The following CCNJL variants were observed in gnomAD, a reference collection of about 807,000 sequenced individuals.
The protein encoded by CCNJL is cyclin J like.
In CCNJL, 33 loss-of-function variants were observed where a neutral mutation model predicts 33.4. The ratio of observed to expected loss-of-function variants is 0.99; its 90% CI spans 0.75 to 1.32. CCNJL has a LOEUF of 1.32. Ranked by LOEUF, CCNJL falls within the 40% of genes most tolerant of loss-of-function variation. The probability of loss-of-function intolerance (pLI) is 0.00; values close to 1 mark genes in which losing one functional copy is unlikely to be tolerated. For synonymous variants in CCNJL, 227 were observed against 220.9 expected, an observed-to-expected ratio of 1.03 and a Z score of -0.24; for missense variants, 512 against 499.7, an observed-to-expected ratio of 1.02 and a Z score of -0.23.
chr5:160,270,128 T>C (rs1164070242), intron 3 of CCNJL, among the ~76,000 whole-genome samples: 3 of 150,904 alleles, frequency 2.0e-5, no homozygotes, highest in Admixed American at 1.3e-4. Context: ...CTGGGCAACA[T>C]GGCAAAACCT....
At position 160,250,651 on chromosome 5, in the gene CCNJL, CTA is replaced by C. The variant is rs1274218493; in HGVS notation, c.*2725_*2726del. 3 of 152,204 alleles carry C rather than the reference CTA, an allele frequency of 2.0e-5. No homozygotes were observed. Among genetic ancestry groups the C allele is most frequent in the African/African-American group, 7.2e-5 (3 of 41,454 alleles). The allele number at this position is 152,204 out of a possible 1,614,324, so 9.4% of individuals were successfully genotyped here. The stretch of plus-strand genomic sequence containing the variant: ...CTGACATTTTTCATAACAGCTGATG[CTA>C]TATCTCATCAATTCTACATATACAT... On this transcript the variant is annotated 3_prime_UTR_variant, in exon 6 of 6. Coordinates refer to ENST00000257536, the MANE Select transcript of CCNJL (RefSeq NM_001308173.3).
chr5:160,282,986 T>TATATATATATATATATATATATATACAC (rs1762278581), intron 2 of CCNJL, among the ~76,000 whole-genome samples: 2 of 57,904 alleles, frequency 3.5e-5, no homozygotes, highest in Non-Finnish European at 6.4e-5. Flanking sequence ...TATATATATA[T>TATATATATATATATATATATATATACAC]ATATATATAT....
At chr5:160,299,191 C>T (rs1762847213) in intron 2 of CCNJL, among the ~76,000 whole-genome samples, 1 of 151,920 alleles carries the variant, frequency 6.6e-6, no homozygotes. Flanking sequence ...CTCTTGTTGC[C>T]CAGGCTGGAG....
chr5:160,279,241 T>C (rs576554391), intron 3 of CCNJL, among the ~76,000 whole-genome samples: 3 of 151,854 alleles, frequency 2.0e-5, no homozygotes, highest in African/African-American at 7.3e-5. Context: ...GGAGGGGAAA[T>C]GAATAATGAA....
upstream of CCNJL, chr5:160,315,503 C>T: frequency 2.9e-6 from 1 of 350,044 alleles, no homozygotes; most frequent in Admixed American, 3.4e-5. Flanking sequence ...CGAGACACTG[C>T]CTCTGAAAAC....
chr5:160,300,531 T>A (rs1561802107), intron 2 of CCNJL, among the ~76,000 whole-genome samples: 1 of 152,180 alleles, frequency 6.6e-6, no homozygotes, highest in Non-Finnish European at 1.5e-5. Context: ...ATTATGAGAT[T>A]TTTTTGTGAT....
chr5:160,275,448 A>G (rs1761978689), intron 3 of CCNJL, among the ~76,000 whole-genome samples: 1 of 151,664 alleles, frequency 6.6e-6, no homozygotes, highest in African/African-American at 2.4e-5. Context: ...GGAGAAACTA[A>G]TTTTTCACAC....
At chr5:160,269,688 G>T in intron 3 of CCNJL, 1 of 349,304 alleles carries the variant, frequency 2.9e-6, no homozygotes, top group South Asian at 2.1e-5. Flanking sequence ...TGCTCTGCTG[G>T]CTCAGAAGGA....
chr5:160,283,435 T>C (rs888483382), intron 2 of CCNJL, among the ~76,000 whole-genome samples: 9 of 152,206 alleles, frequency 5.9e-5, no homozygotes, highest in Non-Finnish European at 1.0e-4. Flanking sequence ...GATGATTGTA[T>C]AGCTCTGTGA....
rs1762178462 is a variant in CCNJL at position 160,280,660 on chromosome 5, G to C, written c.145C>G (p.Leu49Val). 4 of 1,613,446 alleles carry C rather than the reference G, an allele frequency of 2.5e-6. No homozygotes were observed. The highest frequency in any genetic ancestry group is 3.4e-6 in the Non-Finnish European group (4 of 1,179,936). The stretch of plus-strand genomic sequence containing the variant: ...GGGCAGAGCTGGCAGTGGCTGCTCA[G>C]CAGGGTCAGGATGTCCACGAAGAAC... ...RRFFVDILTLLSSHCQLCPAA... is the reference protein window; with the variant it reads ...RRFFVDILTLVSSHCQLCPAA... Residue 49 changes from leucine to valine, a missense_variant, in exon 3 of 6, where the codon CTG (leucine) becomes GTG (valine). Coordinates refer to ENST00000257536, the MANE Select transcript of CCNJL (RefSeq NM_001308173.3).
upstream of CCNJL, among the ~76,000 whole-genome samples, chr5:160,314,851 C>T (rs1227915256): frequency 6.6e-6 from 1 of 151,904 alleles, no homozygotes; most frequent in Non-Finnish European, 1.5e-5. Context: ...AAATTAAAAG[C>T]TTTTTTTAAA....
At chr5:160,301,459 A>G (rs1388667358) in intron 2 of CCNJL, among the ~76,000 whole-genome samples, 2 of 148,028 alleles carry the variant, frequency 1.4e-5, no homozygotes, top group Non-Finnish European at 3.0e-5. Context: ...TTTGAGATGG[A>G]GTCTCACTCT....
At chr5:160,262,342 G>A (rs1186258922) in intron 3 of CCNJL, among the ~76,000 whole-genome samples, 2 of 152,166 alleles carry the variant, frequency 1.3e-5, no homozygotes, top group Admixed American at 6.5e-5. Context: ...GGCCCAAGAG[G>A]ATTATCCTCC....
intron 3 of CCNJL, among the ~76,000 whole-genome samples, chr5:160,262,484 G>C (rs1164349348): frequency 6.6e-6 from 1 of 152,202 alleles, no homozygotes; most frequent in Non-Finnish European, 1.5e-5. Flanking sequence ...GGACCTACGA[G>C]CACTAAACTC....
exon 1 of CCNJL, chr5:160,339,537 C>A (rs528867685): frequency 1.1e-5 from 5 of 451,316 alleles, no homozygotes; most frequent in South Asian, 4.7e-5. Context: ...AAATCTTTGT[C>A]GACTTGCTTT....
At chr5:160,283,003 A>ATATATATATATATATG in intron 2 of CCNJL, among the ~76,000 whole-genome samples, 1 of 58,204 alleles carries the variant, frequency 1.7e-5, no homozygotes, top group Non-Finnish European at 3.1e-5. Flanking sequence ...ATATATATAT[A>ATATATATATATATATG]TATATACATA....
At chr5:160,311,721 G>A in intron 2 of CCNJL, 137 bp downstream of exon 2, 1 of 767,480 alleles carries the variant, frequency 1.3e-6, no homozygotes, top group South Asian at 1.5e-5. Flanking sequence ...AGACACTCCG[G>A]GAGAAGGTAA....
At chr5:160,263,366 C>T (rs1273079008) in intron 3 of CCNJL, among the ~76,000 whole-genome samples, 1 of 152,164 alleles carries the variant, frequency 6.6e-6, no homozygotes, top group Admixed American at 6.5e-5. Flanking sequence ...CCTAAAAATG[C>T]CTTTTATAAC....
chr5:160,283,157 G>A (rs147225559), intron 2 of CCNJL, among the ~76,000 whole-genome samples: 253 of 151,196 alleles, frequency 1.7e-3, no homozygotes, highest in African/African-American at 4.9e-3. Flanking sequence ...TAAACAAAAT[G>A]TAATGTATCC....
Sources: gnomAD v4.1 joint callset for allele counts (sites outside exome capture counted in the v4.1 genomes callset) on GRCh38, gnomAD v4.1.1 for gene constraint, MANE v1.5 for transcripts, NCBI Gene and HGNC (gene_info 2026-07-23, HGNC 2026-07-21) for gene names.